Variants in MGAT4C observed in about 807,000 individuals in gnomAD.
MGAT4C encodes the protein MGAT4 family member C.
Under a neutral mutation model 40.1 loss-of-function variants are expected in MGAT4C, and 19 were observed. The ratio of observed to expected loss-of-function variants is 0.47; its 90% CI spans 0.33 to 0.70. MGAT4C has a LOEUF of 0.70. Among genes scored for constraint, MGAT4C ranks in the 30% least tolerant of loss-of-function variants. The pLI, the probability that MGAT4C is intolerant of heterozygous loss-of-function variation, is 0.02. For synonymous variants in MGAT4C, 181 were observed against 187.1 expected (o/e 0.97, Z 0.27); for missense variants, 491 against 563.2 (o/e 0.87, Z 1.30).
chr12:86,248,001 T>C (rs1952104810), intron 1 of MGAT4C, among the ~76,000 whole-genome samples: 1 of 152,174 alleles, frequency 6.6e-6, no homozygotes, highest in Non-Finnish European at 1.5e-5. Context: ...ATAGTCTAGA[T>C]GTAGTTATCC....
At chr12:86,487,685 T>C (rs1285873480) in intron 2 of MGAT4C, among the ~76,000 whole-genome samples, 1 of 152,184 alleles carries the variant, frequency 6.6e-6, no homozygotes, top group Non-Finnish European at 1.5e-5. Flanking sequence ...TTTATGCCAT[T>C]TGAAATTTCA....
intron 2 of MGAT4C, among the ~76,000 whole-genome samples, chr12:86,597,042 C>A (rs1280331463): frequency 1.3e-5 from 2 of 152,188 alleles, no homozygotes; most frequent in Non-Finnish European, 2.9e-5. Flanking sequence ...TAAGATCTTA[C>A]AAACACCATA....
At chr12:86,542,778 T>C (rs1290728723) in intron 2 of MGAT4C, among the ~76,000 whole-genome samples, 2 of 152,242 alleles carry the variant, frequency 1.3e-5, no homozygotes, top group Non-Finnish European at 2.9e-5. Context: ...TGGATTCTTC[T>C]GAACTATTAT....
chr12:86,275,192 A>G (rs1433331920), intron 4 of MGAT4C, among the ~76,000 whole-genome samples: 1 of 152,240 alleles, frequency 6.6e-6, no homozygotes, highest in African/African-American at 2.4e-5. Context: ...TTCACAAATT[A>G]TCAGCTGGAT....
intron 4 of MGAT4C, among the ~76,000 whole-genome samples, chr12:86,286,613 G>A (rs751700232): frequency 1.3e-5 from 2 of 152,042 alleles, no homozygotes; most frequent in African/African-American, 4.8e-5. Flanking sequence ...TAGGTGCAGG[G>A]GAACATGTGC....
chr12:86,195,985 T>C (rs943082338), intron 1 of MGAT4C, among the ~76,000 whole-genome samples: 1 of 152,186 alleles, frequency 6.6e-6, no homozygotes, highest in Non-Finnish European at 1.5e-5. Context: ...AACATACATA[T>C]GTATCAGTCT....
intron 2 of MGAT4C, among the ~76,000 whole-genome samples, chr12:86,635,254 A>G (rs928058919): frequency 4.6e-5 from 7 of 152,128 alleles, no homozygotes; most frequent in African/African-American, 1.7e-4. Flanking sequence ...TGCCAATTTT[A>G]TAACCTCATG....
intron 2 of MGAT4C, among the ~76,000 whole-genome samples, chr12:86,487,036 G>A (rs1958031882): frequency 6.6e-6 from 1 of 152,154 alleles, no homozygotes. Flanking sequence ...ATAAACTGAA[G>A]TTCCAATCGT....
intron 1 of MGAT4C, among the ~76,000 whole-genome samples, chr12:86,088,062 G>T (rs1872226500): frequency 6.6e-6 from 1 of 151,808 alleles, no homozygotes; most frequent in African/African-American, 2.4e-5. Context: ...ACAGAACCCA[G>T]AAATAACGCC....
At chr12:86,521,179 C>T (rs1410092566) in intron 2 of MGAT4C, among the ~76,000 whole-genome samples, 2 of 152,102 alleles carry the variant, frequency 1.3e-5, no homozygotes, top group Non-Finnish European at 2.9e-5. Flanking sequence ...CCTAGGTTGT[C>T]TTCAAGGGTT....
intron 2 of MGAT4C, among the ~76,000 whole-genome samples, chr12:86,596,645 T>C (rs182567298): frequency 3.9e-5 from 6 of 152,322 alleles, no homozygotes; most frequent in African/African-American, 1.2e-4. Context: ...TGTCCTAGAA[T>C]GTTTAATTGG....
In MGAT4C at chr12:86,001,668, A is replaced by G. The variant is rs182326080; in HGVS notation, c.-6-12116T>C. ...CTGTTTCTTTTTGTAAGAAGTTGGT[A>G]TAGTCACATGCTTCTCTGTTAGGAA... On this transcript the variant is annotated intron_variant, in intron 2 of 4. Coordinates refer to ENST00000611864, the MANE Select transcript of MGAT4C (RefSeq NM_001351288.2). 4.9e-4 allele frequency: 479 copies of G among 979,688 alleles called. 2 individuals carry two copies. Among genetic ancestry groups the G allele is most frequent in the East Asian group, 2.8e-3 (25 of 8,782 alleles). The allele number at this position is 979,688 out of a possible 1,614,324, so 60.7% of individuals were successfully genotyped here.
intron 1 of MGAT4C, among the ~76,000 whole-genome samples, chr12:86,230,972 G>A (rs540642517): frequency 6.6e-6 from 1 of 151,590 alleles, no homozygotes; most frequent in East Asian, 1.9e-4. Flanking sequence ...ATTTTCTCAG[G>A]GTCAACACAA....
At chr12:86,444,561 G>C (rs1957299635) in intron 2 of MGAT4C, among the ~76,000 whole-genome samples, 1 of 152,064 alleles carries the variant, frequency 6.6e-6, no homozygotes, top group African/African-American at 2.4e-5. Context: ...TTCAAACACG[G>C]CAAAATAGAA....
chr12:86,396,410 G>A (rs1001295789), intron 3 of MGAT4C, among the ~76,000 whole-genome samples: 3 of 151,998 alleles, frequency 2.0e-5, no homozygotes, highest in East Asian at 1.9e-4. Context: ...GGAGATTATC[G>A]AGCTCTACAC....
At chr12:86,094,687 C>T (rs1873572673) in intron 1 of MGAT4C, among the ~76,000 whole-genome samples, 1 of 151,846 alleles carries the variant, frequency 6.6e-6, no homozygotes, top group Non-Finnish European at 1.5e-5. Flanking sequence ...AAGTATCTGT[C>T]TTCTTTTCTT....
At chr12:86,273,438 A>C (rs1952996269) in intron 4 of MGAT4C, among the ~76,000 whole-genome samples, 1 of 152,208 alleles carries the variant, frequency 6.6e-6, no homozygotes. Context: ...TTGTTTCCCA[A>C]GTTTATGGCA....
At chr12:86,625,926 C>A (rs1354613784) in intron 2 of MGAT4C, among the ~76,000 whole-genome samples, 1 of 151,876 alleles carries the variant, frequency 6.6e-6, no homozygotes, top group East Asian at 1.9e-4. Context: ...CCAAATGTCT[C>A]AATTAAGAGG....
At chr12:86,588,204 G>A (rs1356761868) in intron 2 of MGAT4C, among the ~76,000 whole-genome samples, 1 of 151,682 alleles carries the variant, frequency 6.6e-6, no homozygotes, top group Admixed American at 6.6e-5. Context: ...CTATTGAGAG[G>A]AAGATCTACC....
Sources: allele counts gnomAD v4.1 joint callset (sites outside exome capture counted in the v4.1 genomes callset), GRCh38; gene constraint gnomAD v4.1.1; transcripts MANE v1.5; gene names NCBI Gene and HGNC (gene_info 2026-07-23, HGNC 2026-07-21).